Variants in GALNT14 observed in about 807,000 individuals in gnomAD.
The protein encoded by GALNT14 is polypeptide N-acetylgalactosaminyltransferase 14.
In GALNT14, 60 loss-of-function variants were observed where a neutral mutation model predicts 77.5. The ratio of observed to expected loss-of-function variants is 0.77; its 90% CI spans 0.63 to 0.96. GALNT14 has a LOEUF of 0.96. GALNT14 is among the 40% of genes least tolerant of loss of function. GALNT14 has a pLI of 0.00. For missense variants in GALNT14, 710 were observed against 731.0 expected (o/e 0.97, Z 0.33); for synonymous variants, 280 against 281.7 (o/e 0.99, Z 0.06).
At chr2:30,985,812 C>A (rs138298782) in intron 2 of GALNT14, among the ~76,000 whole-genome samples, 1 of 152,320 alleles carries the variant, frequency 6.6e-6, no homozygotes, top group Non-Finnish European at 1.5e-5. Context: ...CTGTGATGGG[C>A]TCCCCCTCCC....
intron 1 of GALNT14, among the ~76,000 whole-genome samples, chr2:31,086,020 G>T (rs1055597058): frequency 6.6e-6 from 1 of 152,132 alleles, no homozygotes; most frequent in Non-Finnish European, 1.5e-5. Flanking sequence ...GAACAGCACC[G>T]GAAAACCTGA....
At chr2:31,101,226 T>C (rs1447011318) in intron 1 of GALNT14, among the ~76,000 whole-genome samples, 1 of 152,048 alleles carries the variant, frequency 6.6e-6, no homozygotes, top group East Asian at 1.9e-4. Context: ...TAAAACCATA[T>C]ATGCATTCCA....
At chr2:31,071,253 A>C (rs1675342903) in intron 1 of GALNT14, among the ~76,000 whole-genome samples, 1 of 152,114 alleles carries the variant, frequency 6.6e-6, no homozygotes, top group African/African-American at 2.4e-5. Context: ...TGTGGAAATA[A>C]AAATTTTTTT....
chr2:31,029,562 T>C (rs548452213), intron 1 of GALNT14, among the ~76,000 whole-genome samples: 12 of 152,388 alleles, frequency 7.9e-5, no homozygotes, highest in African/African-American at 2.9e-4. Context: ...GGAAGTTATA[T>C]GTACAACGCA....
chr2:30,986,540 G>C (rs536958157), intron 2 of GALNT14, among the ~76,000 whole-genome samples: 6 of 152,112 alleles, frequency 3.9e-5, no homozygotes, highest in Admixed American at 2.0e-4. Flanking sequence ...TTGTTGAACC[G>C]GTCAATGCTT....
intron 10 of GALNT14, among the ~76,000 whole-genome samples, chr2:30,930,576 T>A (rs1036168714): frequency 5.9e-5 from 9 of 151,686 alleles, no homozygotes; most frequent in Non-Finnish European, 1.3e-4. Context: ...CAGAAAAGAG[T>A]CAGGTGGCTG....
At chr2:31,110,817 A>G in intron 1 of GALNT14, among the ~76,000 whole-genome samples, 1 of 152,042 alleles carries the variant, frequency 6.6e-6, no homozygotes, top group Non-Finnish European at 1.5e-5. Flanking sequence ...CGTATTATCA[A>G]CTCTCACACA....
intron 1 of GALNT14, among the ~76,000 whole-genome samples, chr2:31,018,906 C>T (rs970952958): frequency 6.6e-6 from 1 of 152,194 alleles, no homozygotes; most frequent in African/African-American, 2.4e-5. Context: ...GCACAGAGAG[C>T]TTCTCAGTGA....
intron 14 of GALNT14, among the ~76,000 whole-genome samples, chr2:30,911,524 C>A (rs922022397): frequency 6.6e-6 from 1 of 152,120 alleles, no homozygotes; most frequent in Non-Finnish European, 1.5e-5. Flanking sequence ...GGTTCTCACA[C>A]TTGACCTCGC....
chr2:30,930,707 C>T (rs912233612), intron 10 of GALNT14, among the ~76,000 whole-genome samples: 4 of 152,226 alleles, frequency 2.6e-5, no homozygotes, highest in South Asian at 2.1e-4. Context: ...AAGAGAGGAG[C>T]GTGGCAAGCC....
intron 2 of GALNT14, among the ~76,000 whole-genome samples, chr2:30,977,730 A>C (rs1668723744): frequency 1.3e-5 from 2 of 151,974 alleles, no homozygotes; most frequent in African/African-American, 4.8e-5. Context: ...TCCCCAGGGG[A>C]CTCACATCCG....
chr2:31,088,854 G>T (rs1676589341), intron 1 of GALNT14, among the ~76,000 whole-genome samples: 1 of 152,188 alleles, frequency 6.6e-6, no homozygotes, highest in African/African-American at 2.4e-5. Context: ...AACAAGAGGG[G>T]ATAAGATCCT....
At chr2:31,031,495 CT>C (rs1292592316) in intron 1 of GALNT14, among the ~76,000 whole-genome samples, 1 of 152,256 alleles carries the variant, frequency 6.6e-6, no homozygotes, top group East Asian at 1.9e-4. Flanking sequence ...TCCAGTCTAT[CT>C]TTGCATGGCC....
intron 1 of GALNT14, chr2:31,125,311 G>A: frequency 8.0e-7 from 1 of 1,243,262 alleles, no homozygotes; most frequent in Non-Finnish European, 1.2e-6. Context: ...ATTAATAGCA[G>A]CATTGATTTC....
rs149173191 is a variant in GALNT14, at chr2:30,924,001, A to G, written c.1380+118T>C. 1,447 of 1,141,560 alleles carry G rather than the reference A, an allele frequency of 1.3e-3. 18 individuals are homozygous for G. The African/African-American group carries it at 0.02, about 16-fold the overall frequency. The allele number at this position is 1,141,560 out of a possible 1,614,324, so 70.7% of individuals were successfully genotyped here. ...TCACACCTCTCATGCTCCACTACCG[A>G]TCTCTGGGAATAAATGGGCATCTGA... On this transcript the variant is annotated intron_variant, in intron 13 of 14. Coordinates refer to ENST00000349752, the MANE Select transcript of GALNT14 (RefSeq NM_024572.4).
chr2:30,915,491 G>T (rs1664620930), intron 13 of GALNT14, among the ~76,000 whole-genome samples: 1 of 152,214 alleles, frequency 6.6e-6, no homozygotes, highest in East Asian at 1.9e-4. Flanking sequence ...GGAGAGGAGG[G>T]AGGAGAAGCA....
chr2:31,024,488 T>G (rs1671922531), intron 1 of GALNT14, among the ~76,000 whole-genome samples: 1 of 152,160 alleles, frequency 6.6e-6, no homozygotes, highest in South Asian at 2.1e-4. Flanking sequence ...CCAGCCGAGC[T>G]GCCACCTCAG....
chr2:30,976,606 C>CGTGTGTGTGTGTGTGTGTGTGTGTGT (rs550215452), intron 2 of GALNT14, among the ~76,000 whole-genome samples: 1 of 144,156 alleles, frequency 6.9e-6, no homozygotes. Flanking sequence ...TGTGCATGTG[C>CGTGTGTGTGTGTGTGTGTGTGTGTGT]GTGTGCGTGT....
At chr2:30,941,173 G>C (rs534238927) in intron 9 of GALNT14, among the ~76,000 whole-genome samples, 12 of 152,354 alleles carry the variant, frequency 7.9e-5, no homozygotes, top group African/African-American at 2.6e-4. Context: ...TGTCAGACAT[G>C]TGCCACGGTA....
Sources: allele counts gnomAD v4.1 joint callset (sites outside exome capture counted in the v4.1 genomes callset), GRCh38; gene constraint gnomAD v4.1.1; transcripts MANE v1.5; gene names NCBI Gene and HGNC (gene_info 2026-07-23, HGNC 2026-07-21).